Variants in CD163 observed in about 807,000 individuals in gnomAD.
CD163 encodes scavenger receptor cysteine-rich type 1 protein M130.
In CD163, 64 loss-of-function variants were observed where a neutral mutation model predicts 129.2. The ratio of observed to expected loss-of-function variants is 0.50; its 90% CI spans 0.41 to 0.61. The LOEUF is 0.61. CD163 is among the 20% of genes least tolerant of loss of function. The probability of loss-of-function intolerance (pLI) is 0.00; values close to 1 mark genes in which losing one functional copy is unlikely to be tolerated. For synonymous variants in CD163, 446 were observed against 478.5 expected, an observed-to-expected ratio of 0.93 and a Z score of 0.89; for missense variants, 1,061 against 1,377.9, an observed-to-expected ratio of 0.77 and a Z score of 3.64.
chr12:7,477,906 A>G (rs1183072028), intron 16 of CD163, among the ~76,000 whole-genome samples: 1 of 152,196 alleles, frequency 6.6e-6, no homozygotes, highest in Non-Finnish European at 1.5e-5. Flanking sequence ...TAAATCAAAT[A>G]TTATTCATGG....
chr12:7,483,121 C>T, intron 12 of CD163, 117 bp from the exon 13 acceptor site: 1 of 1,061,446 alleles, frequency 9.4e-7, no homozygotes, highest in Non-Finnish European at 1.4e-6. Flanking sequence ...CTCTTTCCCA[C>T]CTAAAACTAG....
chr12:7,471,789 T>A lies in CD163; in HGVS notation c.*32-392A>T, dbSNP rs1481500471. ...AGGGGGCTGAAGCAAGGGAGCCAAG[T>A]GGTCTCACTCAGCGGGTCCCACTCC... is the stretch of plus-strand genomic sequence containing the variant. On this transcript the variant is annotated intron_variant, in intron 16 of 16. Transcript: ENST00000432237. 2.6e-5 allele frequency: 4 copies of A among 152,202 alleles called. No individual in the cohort carries two copies. The East Asian group carries it at 7.7e-4, about 29-fold the overall frequency. 9.4% of individuals were successfully genotyped at this position (152,202 alleles called of 1,614,324 possible).
intron 16 of CD163, among the ~76,000 whole-genome samples, chr12:7,472,950 C>T (rs778690883): frequency 2.6e-5 from 4 of 151,890 alleles, no homozygotes; most frequent in Admixed American, 1.3e-4. Context: ...ATAGCCAAAT[C>T]GATCAAGTGG....
At position 7,501,477 on chromosome 12, in the gene CD163, T is replaced by TA; in HGVS notation, c.134-16dup. 6.2e-7 allele frequency: 1 copy of TA among 1,603,414 alleles called. No homozygotes were observed. Among genetic ancestry groups the TA allele is most frequent in the Non-Finnish European group, 8.5e-7 (1 of 1,170,770 alleles). ...GTCTGTTCCTCCTGCAACAATGGAT[T>TA]AAGACAGTAATTGGCCAAGGTCGCA... On this transcript the variant is annotated splice_polypyrimidine_tract_variant and intron_variant, in intron 2 of 16. Coordinates refer to ENST00000432237, the MANE Select transcript of CD163 (RefSeq NM_203416.4).
At chr12:7,472,755 G>A (rs187345858) in intron 16 of CD163, among the ~76,000 whole-genome samples, 2 of 152,242 alleles carry the variant, frequency 1.3e-5, no homozygotes, top group East Asian at 1.9e-4. Flanking sequence ...GGCTTCAGAA[G>A]GTGGATACTA....
intron 3 of CD163, 73 bp from the exon 4 acceptor site, chr12:7,499,261 T>A: frequency 7.7e-7 from 1 of 1,306,328 alleles, no homozygotes; most frequent in Non-Finnish European, 1.1e-6. Context: ...AAGTTTCCTC[T>A]GGACACTTGG....
chr12:7,478,672 A>G lies in CD163; in HGVS notation c.*31+1188T>C, dbSNP rs187655325. 2.4e-4 allele frequency among the ~76,000 whole-genome samples: 37 copies of G among 152,154 alleles called. No individual in the cohort carries two copies. In the East Asian group the frequency reaches 7.1e-3, roughly 29 times the overall value. ...TGCATTTTATAGATATTCACAATTT[A>G]TATTTCATGTACTTTAAGAGTTCCA... is the stretch of plus-strand genomic sequence containing the variant. On this transcript the variant is annotated intron_variant, in intron 16 of 16. Coordinates refer to ENST00000432237, the MANE Select transcript of CD163 (RefSeq NM_203416.4).
chr12:7,495,268 G>A lies in CD163; in HGVS notation c.1233C>T (p.Cys411=), dbSNP rs549222845. Residue 411 remains cysteine, a synonymous_variant, in exon 6 of 17, where the codon TGC becomes TGT. Transcript: ENST00000432237. ...GWGLKEADVV[C]RQLGCGSALK... ...GTGCAGATCCACATCCCAGCTGCCT[G>A]CAAACCACATCAGCTTCTTTCAGTC... The A allele has an allele frequency of 6.2e-7, 1 of 1,613,936 alleles. No homozygotes were observed. The highest frequency in any genetic ancestry group is 8.5e-7 in the Non-Finnish European group (1 of 1,180,014).
chr12:7,474,528 T>A (rs1244630002), intron 16 of CD163, among the ~76,000 whole-genome samples: 1 of 152,050 alleles, frequency 6.6e-6, no homozygotes, highest in African/African-American at 2.4e-5. Context: ...TTGAAACCAA[T>A]GAGAATAAAG....
intron 2 of CD163, 49 bp from the exon 3 acceptor site, chr12:7,501,511 G>T: frequency 7.0e-7 from 1 of 1,419,340 alleles, no homozygotes; most frequent in Non-Finnish European, 9.9e-7. Context: ...CAAAGAGCAA[G>T]TAGAAAATTA....
Position 7,485,028 on chromosome 12 carries a change from T to G in CD163, c.2779+68A>C. ...GTGAGAATAGGAAAATAAAATCCAG[T>G]GTCCATTATCAGAAGATGATAGCGG... On this transcript the variant is annotated intron_variant, in intron 11 of 16. Coordinates refer to ENST00000432237, the MANE Select transcript of CD163 (RefSeq NM_203416.4). The surrounding 1 kb of genome is among the most constrained non-coding windows in gnomAD (Gnocchi z 4.5). 4 of 1,327,344 alleles carry G rather than the reference T, an allele frequency of 3.0e-6. No homozygotes were observed. Among genetic ancestry groups the G allele is most frequent in the South Asian group, 1.4e-5 (1 of 71,940 alleles). 82.2% of individuals were successfully genotyped at this position (1,327,344 alleles called of 1,614,324 possible).
intron 16 of CD163, among the ~76,000 whole-genome samples, chr12:7,475,268 TG>T (rs1185420612): frequency 3.3e-5 from 5 of 152,070 alleles, no homozygotes; most frequent in African/African-American, 1.2e-4. Flanking sequence ...CACCAAAACC[TG>T]GCAGAGACAC....
Position 7,496,902 on chromosome 12 carries a change from C to T in CD163, c.1010G>A (p.Gly337Glu), listed in dbSNP as rs1312739400. 2 of 1,613,826 alleles carry T rather than the reference C, an allele frequency of 1.2e-6. No homozygotes were observed. The highest frequency in any genetic ancestry group is 1.7e-6 in the Non-Finnish European group (2 of 1,179,868). The stretch of plus-strand genomic sequence containing the variant: ...ACATTGCCAGATAGCAGGTTCATGT[C>T]CCTGGCAAGAAACGCTGTCAAGCCA... Reference protein sequence around the residue: ...HIWLDSVSCQGHEPAIWQCKH... With the variant: ...HIWLDSVSCQEHEPAIWQCKH... The change falls in exon 5 of 17, where the codon GGA becomes GAA. Residue 337 changes from glycine to glutamate, a missense_variant. Physicochemically the swap from Gly to Glu is moderately conservative, Grantham distance 98. Transcript: ENST00000432237. The surrounding 1 kb of genome is among the most constrained non-coding windows in gnomAD (Gnocchi z 4.8).
intron 6 of CD163, 89 bp downstream of exon 6, chr12:7,494,992 A>T: frequency 1.1e-6 from 1 of 951,588 alleles, no homozygotes; most frequent in Non-Finnish European, 1.7e-6. Flanking sequence ...AGAGTGATCT[A>T]GTCATAAGGA....
At chr12:7,492,582 A>G (rs1395782324) in intron 6 of CD163, among the ~76,000 whole-genome samples, 1 of 152,136 alleles carries the variant, frequency 6.6e-6, no homozygotes, top group Non-Finnish European at 1.5e-5. Flanking sequence ...ACAAGAAACA[A>G]AACTACAAAA....
chr12:7,502,742 T>A, intron 1 of CD163, 178 bp from the exon 2 acceptor site: 3 of 637,530 alleles, frequency 4.7e-6, no homozygotes, highest in Non-Finnish European at 2.8e-6. Context: ...TTCAGTGAAA[T>A]GGTTTTGAAA....
intron 16 of CD163, among the ~76,000 whole-genome samples, chr12:7,475,097 C>CAAAAAAAAAAAAAAAAAAAAAAA (rs58901449): frequency 1.1e-5 from 1 of 94,016 alleles, no homozygotes; most frequent in African/African-American, 4.5e-5. Flanking sequence ...GCCTACCAAC[C>CAAAAAAAAAAAAAAAAAAAAAAA]AAAAAAAAAA....
In CD163 at chr12:7,486,777, C is replaced by T. The variant is rs768647918; in HGVS notation, c.2180G>A (p.Arg727His). Residue 727 changes from arginine (R) to histidine (H), a missense_variant, in exon 10 of 17, where the codon CGC becomes CAC. Coordinates refer to ENST00000432237, the MANE Select transcript of CD163 (RefSeq NM_203416.4). ...GQLRLVNGGG[R>H]CAGRVEIYHE... ...ATAGATCTCTACTCTCCCAGCACAG[C>T]GACCTCCTCCATTTACCAGGCGAAG... is the stretch of plus-strand genomic sequence containing the variant. 5.7e-5 allele frequency: 92 copies of T among 1,611,414 alleles called. No homozygotes were observed. The highest frequency in any genetic ancestry group is 2.0e-4 in the South Asian group (18 of 90,942).
intron 16 of CD163, among the ~76,000 whole-genome samples, chr12:7,479,281 C>A (rs1949129165): frequency 6.6e-6 from 1 of 152,104 alleles, no homozygotes; most frequent in Admixed American, 6.6e-5. Flanking sequence ...CTTCAGTGCT[C>A]ACGGTGCCAC....
Sources: gnomAD v4.1 joint callset for allele counts (sites outside exome capture counted in the v4.1 genomes callset) on GRCh38, gnomAD v4.1.1 for gene constraint, Gnocchi (gnomAD v3.1) non-coding constraint, MANE v1.5 for transcripts, NCBI Gene and HGNC (gene_info 2026-07-23, HGNC 2026-07-21) for gene names.